GCC2: variants seen among roughly 807,000 people sequenced by gnomAD.
The protein encoded by GCC2 is GRIP and coiled-coil domain-containing protein 2.
Under a neutral mutation model 210.6 loss-of-function variants are expected in GCC2, and 120 were observed. The observed-to-expected ratio is 0.57, with a 90% CI of 0.49 to 0.66. The LOEUF (loss-of-function observed/expected upper bound fraction) is 0.66, where lower values mean the gene tolerates loss of function less well. Among genes scored for constraint, GCC2 ranks in the 30% least tolerant of loss-of-function variants. The probability of loss-of-function intolerance (pLI) is 0.00; values close to 1 mark genes in which losing one functional copy is unlikely to be tolerated. For missense variants in GCC2, 1,868 were observed against 1,871.9 expected (o/e 1.00, Z 0.04); for synonymous variants, 703 against 652.7 (o/e 1.08, Z -1.17).
intron 13 of GCC2, chr2:108,484,849 C>T (rs1457586862): frequency 6.6e-6 from 1 of 152,052 alleles, no homozygotes; most frequent in African/African-American, 2.4e-5. Flanking sequence ...TGAAGTCATG[C>T]TGCTATAAAG....
Position 108,471,187 on chromosome 2 carries a change from G to A in GCC2, c.1858G>A (p.Glu620Lys), listed in dbSNP as rs1282502541. ...MDNFHKKCER[E>K]ERLILELGKK... Reference sequence around the variant, plus strand: ...TAATTTCCATAAGAAATGTGAAAGGGAAGAAAGATTGATTCTTGAACTTGG... The same window carrying A: ...TAATTTCCATAAGAAATGTGAAAGGAAAGAAAGATTGATTCTTGAACTTGG... The change falls in exon 6 of 23, where the codon GAA becomes AAA. Residue 620 changes from glutamate to lysine, a missense_variant. By Grantham distance (56) the Glu-to-Lys change is moderately conservative. Transcript: ENST00000309863. 1 of 1,603,942 alleles carries A rather than the reference G, an allele frequency of 6.2e-7. No homozygotes were observed. The highest frequency in any genetic ancestry group is 8.5e-7 in the Non-Finnish European group (1 of 1,175,574).
chr2:108,501,919 C>G (rs948036505), intron 22 of GCC2, among the ~76,000 whole-genome samples: 2 of 152,094 alleles, frequency 1.3e-5, no homozygotes, highest in Non-Finnish European at 2.9e-5. Flanking sequence ...TGACAGTAAT[C>G]TCAGTTCTTC....
rs1182461304 is a variant in GCC2 at position 108,471,296 on chromosome 2, T to C, written c.1967T>C (p.Leu656Ser). The change falls in exon 6 of 23, where the codon TTA becomes TCA. Residue 656 changes from leucine to serine, a missense_variant. Around this residue, in one of 3 missense-constraint regions of GCC2, gnomAD observed 1,847 missense variants for 1,765.2 expected, o/e 1.05. Coordinates refer to ENST00000309863, the MANE Select transcript of GCC2 (RefSeq NM_181453.4). ...NELTGGLEET[L>S]KEKDQNDQKL... ...TTAACAGGAGGACTAGAGGAGACTT[T>C]AAAAGAAAAGGATCAAAATGACCAA... 9.9e-6 allele frequency: 16 copies of C among 1,611,702 alleles called. No individual in the cohort carries two copies. The highest frequency in any genetic ancestry group is 1.3e-5 in the Non-Finnish European group (15 of 1,178,830).
chr2:108,486,765 A>G (rs1225449711), intron 16 of GCC2, 117 bp downstream of exon 16: 4 of 845,510 alleles, frequency 4.7e-6, no homozygotes, highest in African/African-American at 1.7e-5. Flanking sequence ...AGCACTTACT[A>G]GATTAAGACC....
At chr2:108,495,587 A>C in intron 20 of GCC2, 102 bp downstream of exon 20, 1 of 700,692 alleles carries the variant, frequency 1.4e-6, no homozygotes, top group South Asian at 1.9e-5. Context: ...TGCTCCAATA[A>C]AATTTCTTTC....
Position 108,484,326 on chromosome 2 carries a change from A to G in GCC2, c.3613+15A>G. On this transcript the variant is annotated intron_variant, in intron 13 of 22. Transcript: ENST00000309863. ...AGAAGAAATAAGTGAGTTAAAGAAA[A>G]TTCACTTTACTTTTTAATTATTTCA... The G allele has an allele frequency of 7.2e-7, 1 of 1,390,540 alleles. No individual in the cohort carries two copies. Among genetic ancestry groups the G allele is most frequent in the South Asian group, 1.3e-5 (1 of 74,688 alleles). The allele number at this position is 1,390,540 out of a possible 1,614,324, so 86.1% of individuals were successfully genotyped here.
intron 4 of GCC2, among the ~76,000 whole-genome samples, chr2:108,455,659 G>A (rs2104411349): frequency 6.6e-6 from 1 of 152,126 alleles, no homozygotes; most frequent in African/African-American, 2.4e-5. Flanking sequence ...AAGTCTTCTG[G>A]CTATTTTGAA....
intron 4 of GCC2, among the ~76,000 whole-genome samples, chr2:108,458,272 T>A (rs916342699): frequency 1.3e-5 from 2 of 152,088 alleles, no homozygotes; most frequent in East Asian, 3.8e-4. Flanking sequence ...ATTCATTTGA[T>A]CATGGTGTAT....
intron 22 of GCC2, among the ~76,000 whole-genome samples, chr2:108,507,227 A>G (rs1289095713): frequency 4.1e-5 from 5 of 122,098 alleles, no homozygotes; most frequent in African/African-American, 1.3e-4. Context: ...CCGCATCTCC[A>G]CAAAAAAAAC....
intron 4 of GCC2, among the ~76,000 whole-genome samples, chr2:108,462,088 C>T (rs913545881): frequency 1.6e-4 from 24 of 148,794 alleles, no homozygotes; most frequent in African/African-American, 5.6e-4. Context: ...CCGCCCGCCT[C>T]GGCCTCCCAA....
rs2378142 is a variant in GCC2, at chr2:108,494,337, A to G, written c.4448-954A>G. ...TGCTGTGAGCCAAGATCGTGCCACT[A>G]CACTCCAACCTGTGTGACAGAGTGA... is the stretch of plus-strand genomic sequence containing the variant. On this transcript the variant is annotated intron_variant, in intron 19 of 22. Coordinates refer to ENST00000309863, the MANE Select transcript of GCC2 (RefSeq NM_181453.4). 1,013 of 152,306 alleles carry G rather than the reference A, an allele frequency of 6.7e-3. 10 individuals carry two copies. Among genetic ancestry groups the G allele is most frequent in the African/African-American group, 0.022 (894 of 41,512 alleles). 9.4% of individuals were successfully genotyped at this position (152,306 alleles called of 1,614,324 possible).
At chr2:108,454,064 C>G (rs1680109429) in intron 4 of GCC2, among the ~76,000 whole-genome samples, 1 of 152,144 alleles carries the variant, frequency 6.6e-6, no homozygotes, top group Admixed American at 6.5e-5. Flanking sequence ...AATCTCGGCT[C>G]ACCGCAAGCT....
rs1488502523 is a variant in GCC2 at position 108,470,745 on chromosome 2, AAAGC to A, written c.1420_1423del (p.Gln474LysfsTer4). 94 of 1,613,312 alleles carry A rather than the reference AAAGC, an allele frequency of 5.8e-5. No homozygotes were observed. Among genetic ancestry groups the A allele is most frequent in the Non-Finnish European group, 7.5e-5 (88 of 1,179,840 alleles). On this transcript the variant is annotated frameshift_variant, in exon 6 of 23. Coordinates refer to ENST00000309863, the MANE Select transcript of GCC2 (RefSeq NM_181453.4). LOFTEE classifies it high-confidence loss of function. ...AACAGTGTGAAAACCTACAGCAAGA[AAAGC>A]AAGAAGCAATTTTAAATTATGAGAG...
chr2:108,464,573 C>T (rs916470994), intron 4 of GCC2, among the ~76,000 whole-genome samples: 33 of 152,338 alleles, frequency 2.2e-4, no homozygotes, highest in African/African-American at 7.7e-4. Context: ...GGAATGTGGA[C>T]AGCTGAGAGT....
intron 9 of GCC2, 51 bp from the exon 10 acceptor site, chr2:108,481,646 C>T: frequency 7.0e-7 from 1 of 1,435,220 alleles, no homozygotes; most frequent in Non-Finnish European, 9.6e-7. Flanking sequence ...TGAAGTCTGA[C>T]CTGTTGAATG....
At chr2:108,489,614 A>G (rs769028053) in intron 17 of GCC2, among the ~76,000 whole-genome samples, 1 of 152,148 alleles carries the variant, frequency 6.6e-6, no homozygotes, top group Non-Finnish European at 1.5e-5. Context: ...GAAATTCTAA[A>G]TTTTAGAGAA....
In GCC2 at chr2:108,449,670, C is replaced by T. The variant is rs909314548; in HGVS notation, c.44C>T (p.Pro15Leu). The change falls in exon 2 of 23, where the codon CCT becomes CTT. Residue 15 changes from proline (P) to leucine (L), a missense_variant. Around this residue, in one of 3 missense-constraint regions of GCC2, gnomAD observed 1,847 missense variants for 1,765.2 expected, o/e 1.05. Transcript: ENST00000309863. ...VQDGVASPAT[P>L]GTGKSKLETL... ...GATGGGGTGGCTTCACCAGCTACCCCTGGGACCGGGAAATCTAAGGTGAAG... is the reference window on the plus strand; with the variant it reads ...GATGGGGTGGCTTCACCAGCTACCCTTGGGACCGGGAAATCTAAGGTGAAG... 4.3e-6 allele frequency: 7 copies of T among 1,613,632 alleles called. No homozygotes were observed. In the African/African-American group the frequency reaches 8.0e-5, roughly 18 times the overall value.
chr2:108,485,256 G>C (rs975140608), intron 13 of GCC2, among the ~76,000 whole-genome samples: 1 of 150,680 alleles, frequency 6.6e-6, no homozygotes, highest in Non-Finnish European at 1.5e-5. Context: ...CACCAGCATG[G>C]CACATGTATA....
At position 108,449,556 on chromosome 2, in the gene GCC2, CT is replaced by C. The variant is rs1679791253; in HGVS notation, c.7-76del. ...ACTTGATTCCATAGAAGGTTTTTCC[CT>C]GTAAGGGTTCTACGCGTTCCGTGTG... is the stretch of plus-strand genomic sequence containing the variant. On this transcript the variant is annotated intron_variant, in intron 1 of 22. Transcript: ENST00000309863. 3 of 1,433,684 alleles carry C rather than the reference CT, an allele frequency of 2.1e-6. No individual in the cohort carries two copies. The East Asian group carries it at 6.8e-5, about 33-fold the overall frequency. 88.8% of individuals were successfully genotyped at this position (1,433,684 alleles called of 1,614,324 possible).
Sources: allele counts gnomAD v4.1 joint callset (sites outside exome capture counted in the v4.1 genomes callset), GRCh38; gene constraint gnomAD v4.1.1; regional missense constraint gnomAD v4.1.1; transcripts MANE v1.5; gene names NCBI Gene and HGNC (gene_info 2026-07-23, HGNC 2026-07-21).